SLC38A7: variants seen among roughly 807,000 people sequenced by gnomAD.
The protein encoded by SLC38A7 is sodium-coupled neutral amino acid transporter 7.
SLC38A7 carries 29 observed loss-of-function variants against 50.1 expected under a neutral mutation model. That is an observed-to-expected ratio of 0.58 (90% CI 0.43 to 0.79). SLC38A7 has a LOEUF of 0.79. Ranked by LOEUF, SLC38A7 falls within the 30% of genes least tolerant of loss-of-function variation. The pLI is 0.00. For missense variants in SLC38A7, 483 were observed against 610.6 expected (o/e 0.79, Z 2.20); for synonymous variants, 244 against 245.9 (o/e 0.99, Z 0.07).
Position 58,678,649 on chromosome 16 carries a change from T to G in SLC38A7, c.469+47A>C. 2 of 1,603,516 alleles carry G rather than the reference T, an allele frequency of 1.2e-6. No homozygotes were observed. Among genetic ancestry groups the G allele is most frequent in the Non-Finnish European group, 1.7e-6 (2 of 1,173,600 alleles). ...CCTTTTCCCTCCACCCCAGGATCCC[T>G]GGGGCTGATAAGAAGAGATGGGGTA... On this transcript the variant is annotated intron_variant, in intron 4 of 11. Transcript: ENST00000219320. This position sits in a 1 kb window ranked among gnomAD's most constrained non-coding sequence, Gnocchi z 4.0.
At position 58,665,575 on chromosome 16, in the gene SLC38A7, G is replaced by T. The variant is rs938007486; in HGVS notation, c.*1810C>A. 3 of 152,572 alleles carry T rather than the reference G, an allele frequency of 2.0e-5. No homozygotes were observed. In the East Asian group the frequency reaches 5.8e-4, roughly 29 times the overall value. The allele number at this position is 152,572 out of a possible 1,614,324, so 9.5% of individuals were successfully genotyped here. A position where few individuals can be genotyped will look rare whatever the true frequency, so the allele number is the denominator to read the frequency against. ...ATCGGACTGCCCTGAGTGGCGGGCG[G>T]CTCGGCAGGGGGTCCCTCTCGTACC... On this transcript the variant is annotated 3_prime_UTR_variant, in exon 12 of 12. Transcript: ENST00000219320.
chr16:58,680,781 G>A (rs28653142), intron 2 of SLC38A7, among the ~76,000 whole-genome samples: 1 of 151,964 alleles, frequency 6.6e-6, no homozygotes, highest in Non-Finnish European at 1.5e-5. Context: ...TGTGGCTTTC[G>A]AGGCCCTTCG....
chr16:58,672,864 T>C (rs892840213), intron 8 of SLC38A7, among the ~76,000 whole-genome samples: 29 of 152,008 alleles, frequency 1.9e-4, no homozygotes, highest in African/African-American at 6.8e-4. Flanking sequence ...GGTCTTGAAC[T>C]CCTGGGCTCA....
At chr16:58,673,745 A>T (rs1186945377) in intron 8 of SLC38A7, among the ~76,000 whole-genome samples, 2 of 149,758 alleles carry the variant, frequency 1.3e-5, no homozygotes, top group African/African-American at 2.5e-5. Flanking sequence ...GTTCCACTGT[A>T]GTCTTGAATT....
Position 58,684,734 on chromosome 16 carries a change from C to G in SLC38A7, c.-357G>C, listed in dbSNP as rs182054327. 1.3e-5 allele frequency: 2 copies of G among 152,386 alleles called. No homozygotes were observed. The highest frequency in any genetic ancestry group is 4.8e-5 in the African/African-American group (2 of 41,572). 9.4% of individuals were successfully genotyped at this position (152,386 alleles called of 1,614,324 possible). A position where few individuals can be genotyped will look rare whatever the true frequency, so the allele number is the denominator to read the frequency against. ...CCACCTACCTTGGGGGATTCTTTCC[C>G]GAGCCGGCTGCGGAGACACGTGAGC... On this transcript the variant is annotated 5_prime_UTR_variant, in exon 1 of 12. Coordinates refer to ENST00000219320, the MANE Select transcript of SLC38A7 (RefSeq NM_018231.3).
Position 58,675,920 on chromosome 16 carries a change from TGG to T in SLC38A7, c.883+18_883+19del, listed in dbSNP as rs34833577. On this transcript the variant is annotated intron_variant, in intron 8 of 11. Coordinates refer to ENST00000219320, the MANE Select transcript of SLC38A7 (RefSeq NM_018231.3). ...GTGAGAGCACTCTAGTCCCAGGTCT[TGG>T]GGGGGGGGAGCACTCACCTGTCCCC... The T allele has an allele frequency of 0.2, 298,557 of 1,503,604 alleles. 29,815 individuals carry two copies. Among genetic ancestry groups the T allele is most frequent in the Non-Finnish European group, 0.21 (232,427 of 1,101,984 alleles). 93.1% of individuals were successfully genotyped at this position (1,503,604 alleles called of 1,614,324 possible).
In SLC38A7 at chr16:58,680,586, G is replaced by A. The variant is rs868003939; in HGVS notation, c.-115-345C>T. 7.9e-5 allele frequency among the ~76,000 whole-genome samples: 12 copies of A among 152,232 alleles called. No individual in the cohort carries two copies. In the East Asian group the frequency reaches 1.2e-3, roughly 15 times the overall value. The stretch of plus-strand genomic sequence containing the variant: ...GGATGGTCTTGTGGTCAAAAGGTTC[G>A]GAGAGATCCCATCACTGACCCAGGG... On this transcript the variant is annotated intron_variant, in intron 2 of 11. Coordinates refer to ENST00000219320, the MANE Select transcript of SLC38A7 (RefSeq NM_018231.3).
Position 58,675,986 on chromosome 16 carries a change from C to G in SLC38A7, c.837G>C (p.Val279=), listed in dbSNP as rs2044258428. 1.2e-6 allele frequency: 2 copies of G among 1,613,656 alleles called. No individual in the cohort carries two copies. The highest frequency in any genetic ancestry group is 1.7e-6 in the Non-Finnish European group (2 of 1,179,896). Residue 279 remains valine (V), a synonymous_variant, in exon 8 of 12, where the codon GTG becomes GTC. Coordinates refer to ENST00000219320, the MANE Select transcript of SLC38A7 (RefSeq NM_018231.3). ...GGGCTATGACCATGGCAGCTGTCAC[C>G]ACTCCACCCCAGGTCTTCACTTCAG... ...QQPEVKTWGG[V]VTAAMVIALA...
intron 2 of SLC38A7, among the ~76,000 whole-genome samples, chr16:58,682,737 C>T (rs12598867): frequency 0.51 from 76,999 of 151,260 alleles, 19,690 homozygotes; most frequent in African/African-American, 0.58. Context: ...GTTCAAGAGA[C>T]TTTCCTGCCT....
chr16:58,679,581 A>C, intron 3 of SLC38A7: 7 of 532,132 alleles, frequency 1.3e-5, no homozygotes, highest in Non-Finnish European at 9.9e-6. Flanking sequence ...CTAAAAGATA[A>C]GGGCCCTCTT....
Position 58,667,465 on chromosome 16 carries a change from C to T in SLC38A7, c.1309G>A (p.Gly437Arg), listed in dbSNP as rs757299833. 4 of 1,612,364 alleles carry T rather than the reference C, an allele frequency of 2.5e-6. No individual in the cohort carries two copies. Among genetic ancestry groups the T allele is most frequent in the South Asian group, 1.1e-5 (1 of 90,846 alleles). The change falls in exon 12 of 12, where the codon GGA (glycine) becomes AGA (arginine). Residue 437 changes from glycine (G) to arginine (R), a missense_variant. Transcript: ENST00000219320. ...GCTCCCAGGGTGACCAAGAGGACTC[C>T]GTAGCTGACCAGCACCCACCAGCTG... ...PASWWVLVSY[G>R]VLLVTLGAFI...
chr16:58,675,017 C>G (rs1161124399), intron 8 of SLC38A7, among the ~76,000 whole-genome samples: 1 of 152,144 alleles, frequency 6.6e-6, no homozygotes, highest in African/African-American at 2.4e-5. Flanking sequence ...TTCACCTGCC[C>G]CCATCACACA....
intron 5 of SLC38A7, among the ~76,000 whole-genome samples, chr16:58,677,780 G>T (rs561468844): frequency 1.3e-5 from 2 of 152,312 alleles, no homozygotes; most frequent in Non-Finnish European, 2.9e-5. Flanking sequence ...CTCTGAGCCT[G>T]GCCTTTGAGA....
At chr16:58,671,751 G>T (rs2044164135) in intron 9 of SLC38A7, 1 of 218,816 alleles carries the variant, frequency 4.6e-6, no homozygotes. Context: ...TTTATTTTGT[G>T]TAGAGATGGG....
At chr16:58,670,999 G>T in intron 10 of SLC38A7, 46 bp downstream of exon 10, 1 of 1,550,998 alleles carries the variant, frequency 6.4e-7, no homozygotes, top group South Asian at 1.2e-5. Context: ...CAGGCCCTGG[G>T]AGTCTGTGCT....
intron 3 of SLC38A7, chr16:58,679,568 G>A: frequency 1.9e-6 from 1 of 536,192 alleles, no homozygotes; most frequent in East Asian, 2.9e-5. Flanking sequence ...TCAGTATGTA[G>A]TTCTAAAAGA....
In SLC38A7 at chr16:58,678,229, C is replaced by T; in HGVS notation, c.611+104G>A. ...TGCCCTGCCTTGCCTACTCTTGCTC[C>T]CCAAGGTGAGGTGGCATGGAGGAGC... On this transcript the variant is annotated intron_variant, in intron 5 of 11. Transcript: ENST00000219320. The surrounding 1 kb of genome is among the most constrained non-coding windows in gnomAD (Gnocchi z 4.0). 7.3e-7 allele frequency: 1 copy of T among 1,374,032 alleles called. No homozygotes were observed. The highest frequency in any genetic ancestry group is 9.7e-7 in the Non-Finnish European group (1 of 1,035,146). 85.1% of individuals were successfully genotyped at this position (1,374,032 alleles called of 1,614,324 possible). A position where few individuals can be genotyped will look rare whatever the true frequency, so the allele number is the denominator to read the frequency against.
Position 58,675,923 on chromosome 16 carries a change from G to GT in SLC38A7, c.883+16_883+17insA. Reference sequence around the variant, plus strand: ...AGAGCACTCTAGTCCCAGGTCTTGGGGGGGGGGAGCACTCACCTGTCCCCA... The same window carrying GT: ...AGAGCACTCTAGTCCCAGGTCTTGGGTGGGGGGGAGCACTCACCTGTCCCCA... On this transcript the variant is annotated intron_variant, in intron 8 of 11. Transcript: ENST00000219320. 1 of 1,531,444 alleles carries GT rather than the reference G, an allele frequency of 6.5e-7. No individual in the cohort carries two copies. Among genetic ancestry groups the GT allele is most frequent in the Non-Finnish European group, 8.8e-7 (1 of 1,131,622 alleles). 94.9% of individuals were successfully genotyped at this position (1,531,444 alleles called of 1,614,324 possible).
intron 6 of SLC38A7, 54 bp downstream of exon 6, chr16:58,677,272 C>G: frequency 6.6e-7 from 1 of 1,515,430 alleles, no homozygotes; most frequent in Non-Finnish European, 9.2e-7. Context: ...CCAGCACCTG[C>G]TGGGGCCCAA....
Sources: allele counts gnomAD v4.1 joint callset (sites outside exome capture counted in the v4.1 genomes callset), GRCh38; gene constraint gnomAD v4.1.1; non-coding constraint Gnocchi (gnomAD v3.1); transcripts MANE v1.5; gene names NCBI Gene and HGNC (gene_info 2026-07-23, HGNC 2026-07-21).